Variants in NRXN1 observed in about 807,000 individuals in gnomAD.
NRXN1 encodes the protein neurexin-1.
Under a neutral mutation model 150.9 loss-of-function variants are expected in NRXN1, and 39 were observed. That is an observed-to-expected ratio of 0.26 (90% confidence interval 0.20 to 0.34). The LOEUF (loss-of-function observed/expected upper bound fraction) is 0.34. NRXN1 is among the 10% of genes least tolerant of loss of function. NRXN1 has a pLI of 1.00. For missense variants in NRXN1, 1,815 were observed against 1,949.9 expected (o/e 0.93, Z 1.30); for synonymous variants, 924 against 757.0 (o/e 1.22, Z -3.62).
intron 1 of NRXN1, among the ~76,000 whole-genome samples, chr2:51,030,808 AAAAT>A (rs746543254): frequency 6.6e-6 from 1 of 152,162 alleles, no homozygotes; most frequent in Non-Finnish European, 1.5e-5. Context: ...AGTCATTTGC[AAAAT>A]AAATCTGGAA....
At chr2:50,194,216 C>T (rs2061617083) in intron 18 of NRXN1, among the ~76,000 whole-genome samples, 1 of 151,874 alleles carries the variant, frequency 6.6e-6, no homozygotes. Context: ...ATTTTGTGTC[C>T]CCAATGCTTC....
intron 17 of NRXN1, among the ~76,000 whole-genome samples, chr2:50,282,518 C>T (rs1037990039): frequency 6.6e-6 from 1 of 152,040 alleles, no homozygotes; most frequent in Non-Finnish European, 1.5e-5. Flanking sequence ...CTGGGTTCCA[C>T]GGGACCAACA....
At chr2:50,231,860 T>A (rs1442555851) in intron 18 of NRXN1, among the ~76,000 whole-genome samples, 3 of 93,782 alleles carry the variant, frequency 3.2e-5, no homozygotes, top group African/African-American at 1.6e-4. Flanking sequence ...TAGATATATC[T>A]TATATAATAT....
intron 5 of NRXN1, among the ~76,000 whole-genome samples, chr2:50,887,158 G>C (rs1000444002): frequency 1.3e-5 from 2 of 151,206 alleles, no homozygotes; most frequent in Non-Finnish European, 3.0e-5. Flanking sequence ...ATCCAAAATG[G>C]ATTTGACCAA....
intron 17 of NRXN1, among the ~76,000 whole-genome samples, chr2:50,290,790 G>C (rs2072821317): frequency 6.6e-6 from 1 of 152,028 alleles, no homozygotes; most frequent in African/African-American, 2.4e-5. Flanking sequence ...AAAATGTCCA[G>C]ATCTCTTCTG....
chr2:50,995,602 C>CAAAAA, intron 2 of NRXN1, among the ~76,000 whole-genome samples: 1 of 71,910 alleles, frequency 1.4e-5, no homozygotes, highest in South Asian at 5.0e-4. Context: ...TAGACTCTGT[C>CAAAAA]AAAAAAAAAA....
At chr2:50,825,206 T>C (rs1024257408) in intron 5 of NRXN1, among the ~76,000 whole-genome samples, 3 of 152,176 alleles carry the variant, frequency 2.0e-5, no homozygotes, top group African/African-American at 7.2e-5. Context: ...GATACTGTGA[T>C]TTAAAATGAG....
intron 17 of NRXN1, among the ~76,000 whole-genome samples, chr2:50,354,259 T>C (rs915033575): frequency 6.6e-6 from 1 of 152,068 alleles, no homozygotes; most frequent in Non-Finnish European, 1.5e-5. Flanking sequence ...AAAAATATTC[T>C]ATTTTCCTTC....
intron 17 of NRXN1, among the ~76,000 whole-genome samples, chr2:50,423,992 A>G (rs1213430820): frequency 6.6e-6 from 1 of 151,976 alleles, no homozygotes; most frequent in Non-Finnish European, 1.5e-5. Context: ...AGAACAGCAT[A>G]CAGATAGGCT....
intron 11 of NRXN1, 60 bp downstream of exon 11, chr2:50,531,167 C>T (rs2105205971): frequency 8.3e-7 from 1 of 1,211,486 alleles, no homozygotes. Flanking sequence ...TCAATGTTTG[C>T]AGGCAAATTG....
intron 5 of NRXN1, among the ~76,000 whole-genome samples, chr2:50,887,265 T>G (rs2103777425): frequency 6.6e-6 from 1 of 151,508 alleles, no homozygotes; most frequent in East Asian, 1.9e-4. Context: ...ATTAGAGGAG[T>G]TCGGTCTACT....
chr2:50,076,674 T>C (rs1225010245), intron 19 of NRXN1, among the ~76,000 whole-genome samples: 1 of 152,220 alleles, frequency 6.6e-6, no homozygotes, highest in Non-Finnish European at 1.5e-5. Context: ...ATGTCTGGTT[T>C]GATCATTTGA....
rs188434398 is a variant in NRXN1 at position 50,079,303 on chromosome 2, G to A, written c.3718+12020C>T. Among the ~76,000 whole-genome samples, 102 of 152,098 alleles carry A rather than the reference G, an allele frequency of 6.7e-4. 1 individual carries two copies. Among genetic ancestry groups the A allele is most frequent in the Middle Eastern group, 3.4e-3 (1 of 294 alleles). ...ATAAAGTATGCCCTACAGGTAAAATGTGTCCACTACTATCTATCTAATATT... is the reference window on the plus strand; with the variant it reads ...ATAAAGTATGCCCTACAGGTAAAATATGTCCACTACTATCTATCTAATATT... On this transcript the variant is annotated intron_variant, in intron 19 of 22. Transcript: ENST00000401669.
At chr2:50,888,979 A>C (rs190794731) in intron 5 of NRXN1, among the ~76,000 whole-genome samples, 1 of 151,708 alleles carries the variant, frequency 6.6e-6, no homozygotes, top group Non-Finnish European at 1.5e-5. Flanking sequence ...TCAGATTATA[A>C]TATGTTTAAT....
chr2:50,307,679 T>C (rs1310780733), intron 17 of NRXN1, among the ~76,000 whole-genome samples: 1 of 152,096 alleles, frequency 6.6e-6, no homozygotes, highest in African/African-American at 2.4e-5. Context: ...AAAAACACCA[T>C]CAAGTGACTA....
chr2:50,577,526 T>C (rs1213002166), intron 8 of NRXN1, among the ~76,000 whole-genome samples: 2 of 152,156 alleles, frequency 1.3e-5, no homozygotes, highest in African/African-American at 2.4e-5. Flanking sequence ...GTTTCACTTA[T>C]GTGTTTAGCT....
chr2:50,467,743 C>T (rs1162105485), intron 16 of NRXN1, among the ~76,000 whole-genome samples: 1 of 151,000 alleles, frequency 6.6e-6, no homozygotes, highest in Admixed American at 6.6e-5. Flanking sequence ...AAGAAGACCT[C>T]CCAAATCCAG....
chr2:50,457,209 A>G (rs2087655667), intron 17 of NRXN1, among the ~76,000 whole-genome samples: 1 of 152,144 alleles, frequency 6.6e-6, no homozygotes, highest in Non-Finnish European at 1.5e-5. Context: ...TAGAAGTGCC[A>G]ACTGAGCAGT....
At chr2:50,768,457 C>T (rs1470353209) in intron 5 of NRXN1, among the ~76,000 whole-genome samples, 5 of 151,718 alleles carry the variant, frequency 3.3e-5, no homozygotes, top group African/African-American at 1.2e-4. Flanking sequence ...TACAGGTGTG[C>T]ACCCTGATGA....
Sources: gnomAD v4.1 joint callset for allele counts (sites outside exome capture counted in the v4.1 genomes callset) on GRCh38, gnomAD v4.1.1 for gene constraint, MANE v1.5 for transcripts, NCBI Gene and HGNC (gene_info 2026-07-23, HGNC 2026-07-21) for gene names.